ATF6: variants seen among roughly 807,000 people sequenced by gnomAD.
ATF6 encodes the protein activating transcription factor 6, also known as cyclic AMP-dependent transcription factor ATF-6 alpha.
A neutral mutation model predicts 83.6 loss-of-function variants in ATF6; 53 were observed. The ratio of observed to expected loss-of-function variants is 0.63; its 90% CI spans 0.51 to 0.80. ATF6 has a LOEUF of 0.80. Among genes scored for constraint, ATF6 ranks in the 30% least tolerant of loss-of-function variants. The pLI is 0.00. For missense variants in ATF6, 744 were observed against 797.9 expected, an observed-to-expected ratio of 0.93 and a Z score of 0.81; for synonymous variants, 288 against 285.8, an observed-to-expected ratio of 1.01 and a Z score of -0.08.
intron 9 of ATF6, 92 bp downstream of exon 9, chr1:161,821,253 AT>A (rs1685754035): frequency 1.1e-6 from 1 of 893,312 alleles, no homozygotes; most frequent in African/African-American, 1.7e-5. Flanking sequence ...AGAAAAAATG[AT>A]TTGTTTTTCA....
intron 14 of ATF6, among the ~76,000 whole-genome samples, chr1:161,890,144 G>A (rs984895504): frequency 1.3e-5 from 2 of 152,136 alleles, no homozygotes. Context: ...TAACCACAAT[G>A]CAGTTGTCAA....
intron 15 of ATF6, among the ~76,000 whole-genome samples, chr1:161,920,290 C>CTTTTTTTTT (rs1571237665): frequency 2.8e-4 from 7 of 25,148 alleles, no homozygotes; most frequent in African/African-American, 5.4e-4. Context: ...CTCTCTCTCT[C>CTTTTTTTTT]TCTCTTTTTT....
chr1:161,854,572 A>G (rs1307326956), intron 12 of ATF6, among the ~76,000 whole-genome samples: 1 of 152,198 alleles, frequency 6.6e-6, no homozygotes, highest in African/African-American at 2.4e-5. Flanking sequence ...TGAAATAACA[A>G]TGTAAAGATT....
At chr1:161,771,934 CTTACCTT>C (rs1338276396) in intron 1 of ATF6, among the ~76,000 whole-genome samples, 1 of 152,208 alleles carries the variant, frequency 6.6e-6, no homozygotes, top group African/African-American at 2.4e-5. Flanking sequence ...TATCACTGAT[CTTACCTT>C]TTACCCAGTC....
At position 161,784,028 on chromosome 1, in the gene ATF6, G is replaced by C. The variant is rs1684692753; in HGVS notation, c.286G>C (p.Ala96Pro). 1.2e-6 allele frequency: 2 copies of C among 1,613,620 alleles called. No homozygotes were observed. The highest frequency in any genetic ancestry group is 1.7e-6 in the Non-Finnish European group (2 of 1,179,810). Residue 96 changes from alanine to proline, a missense_variant, in exon 4 of 16, where the codon GCC (alanine) becomes CCC (proline). Ala to Pro is a conservative substitution (Grantham distance 27). Transcript: ENST00000367942. ...IKAEPQPLSP[A>P]SSSYSVSSPR... Reference sequence around the variant, plus strand: ...GGCAGAACCTCAGCCACTTTCTCCAGCCTCCTCAAGTTATTCAGTCTCGTC... The same window carrying C: ...GGCAGAACCTCAGCCACTTTCTCCACCCTCCTCAAGTTATTCAGTCTCGTC...
At position 161,802,065 on chromosome 1, in the gene ATF6, G is replaced by T. The variant is rs776524423; in HGVS notation, c.702G>T (p.Leu234Phe). 6.2e-7 allele frequency: 1 copy of T among 1,614,018 alleles called. No individual in the cohort carries two copies. Among genetic ancestry groups the T allele is most frequent in the Non-Finnish European group, 8.5e-7 (1 of 1,179,960 alleles). ...TTTCTAACGCAGGCCAGACGGTTTTGCTGTCTCAGCCTACTGTGGTACAAC... is the reference window on the plus strand; with the variant it reads ...TTTCTAACGCAGGCCAGACGGTTTTTCTGTCTCAGCCTACTGTGGTACAAC... ...QPAPTKGQTV[L>F]LSQPTVVQLQ... The change falls in exon 7 of 16, where the codon TTG (leucine) becomes TTT (phenylalanine). Residue 234 changes from leucine (L) to phenylalanine (F), a missense_variant. Coordinates refer to ENST00000367942, the MANE Select transcript of ATF6 (RefSeq NM_007348.4).
chr1:161,958,595 C>G lies in ATF6; in HGVS notation c.1954C>G (p.Pro652Ala), dbSNP rs757919002. The G allele has an allele frequency of 1.2e-6, 2 of 1,614,002 alleles. No individual in the cohort carries two copies. The highest frequency in any genetic ancestry group is 1.7e-6 in the Non-Finnish European group (2 of 1,179,974). ...RNQTNTFFGS[P>A]PAATEATHVV... ...TCAAACCAACACCTTCTTTGGCTCCCCTCCCGCAGCCACAGAGGCAACCCA... is the reference window on the plus strand; with the variant it reads ...TCAAACCAACACCTTCTTTGGCTCCGCTCCCGCAGCCACAGAGGCAACCCA... Residue 652 changes from proline (P) to alanine (A), a missense_variant, in exon 16 of 16, where the codon CCT becomes GCT. Pro to Ala is a conservative substitution (Grantham distance 27, BLOSUM62 -1). Transcript: ENST00000367942.
chr1:161,845,321 A>G (rs1335774923), intron 9 of ATF6, among the ~76,000 whole-genome samples: 2 of 152,128 alleles, frequency 1.3e-5, no homozygotes, highest in Non-Finnish European at 2.9e-5. Context: ...ATCCCTCCAA[A>G]TAGAATCTTT....
chr1:161,797,921 A>G (rs971100259), intron 6 of ATF6, among the ~76,000 whole-genome samples: 10 of 152,232 alleles, frequency 6.6e-5, no homozygotes, highest in African/African-American at 2.4e-4. Context: ...TTCAAACTGT[A>G]CTACAAGACT....
At chr1:161,898,822 A>G (rs1449357485) in intron 14 of ATF6, among the ~76,000 whole-genome samples, 1 of 152,214 alleles carries the variant, frequency 6.6e-6, no homozygotes, top group Non-Finnish European at 1.5e-5. Flanking sequence ...TGCTGGGATT[A>G]CAGGTGTGAG....
Position 161,795,991 on chromosome 1 carries a change from T to G in ATF6, c.688+3664T>G, listed in dbSNP as rs564575507. ...TTGAGGATAGTTGGGTACTCTGGGA[T>G]GAAAAGGCTTGATACAATATGGGAA... is the stretch of plus-strand genomic sequence containing the variant. On this transcript the variant is annotated intron_variant, in intron 6 of 15. Coordinates refer to ENST00000367942, the MANE Select transcript of ATF6 (RefSeq NM_007348.4). Among the ~76,000 whole-genome samples, 4 of 152,286 alleles carry G rather than the reference T, an allele frequency of 2.6e-5. No individual in the cohort carries two copies. In the South Asian group the frequency reaches 8.3e-4, roughly 32 times the overall value.
intron 6 of ATF6, 143 bp downstream of exon 6, chr1:161,792,470 G>T: frequency 1.3e-6 from 1 of 763,166 alleles, no homozygotes; most frequent in Non-Finnish European, 2.1e-6. Flanking sequence ...ACGTTGCAGA[G>T]ATGACTAATG....
intron 15 of ATF6, among the ~76,000 whole-genome samples, chr1:161,917,628 G>T (rs531560295): frequency 6.6e-6 from 1 of 152,228 alleles, no homozygotes; most frequent in East Asian, 1.9e-4. Flanking sequence ...CACCGTGTTA[G>T]CCAGGATGGT....
chr1:161,897,828 TATTAAA>T (rs1310661765), intron 14 of ATF6, among the ~76,000 whole-genome samples: 1 of 152,232 alleles, frequency 6.6e-6, no homozygotes, highest in East Asian at 1.9e-4. Context: ...TAAAGTAGAT[TATTAAA>T]ATTAAATTTA....
chr1:161,867,602 T>G (rs1206137732), intron 14 of ATF6, among the ~76,000 whole-genome samples: 2 of 152,228 alleles, frequency 1.3e-5, no homozygotes, highest in African/African-American at 4.8e-5. Flanking sequence ...CAGGTTCTCT[T>G]TGAATCAGAT....
chr1:161,819,951 T>G, intron 8 of ATF6, 133 bp downstream of exon 8: 1 of 833,566 alleles, frequency 1.2e-6, no homozygotes, highest in Non-Finnish European at 1.7e-6. Flanking sequence ...TAATAAGTCC[T>G]AAAACATTTG....
At chr1:161,870,089 G>A (rs1687089517) in intron 14 of ATF6, among the ~76,000 whole-genome samples, 1 of 151,296 alleles carries the variant, frequency 6.6e-6, no homozygotes, top group African/African-American at 2.4e-5. Context: ...ATGTATTACA[G>A]CATATGTAAA....
chr1:161,890,813 C>T (rs1161575824), intron 14 of ATF6: 1 of 152,642 alleles, frequency 6.6e-6, no homozygotes, highest in Non-Finnish European at 1.5e-5. Flanking sequence ...GCTTCTGGGA[C>T]CCTATGACAT....
At position 161,956,778 on chromosome 1, in the gene ATF6, A is replaced by T. The variant is rs560097935; in HGVS notation, c.1805-1668A>T. On this transcript the variant is annotated intron_variant, in intron 15 of 15. Coordinates refer to ENST00000367942, the MANE Select transcript of ATF6 (RefSeq NM_007348.4). ...TTGGAACAAATGAGTGACCAACAGA[A>T]GTGGAGGAATTATGTATTCTATTGG... Among the ~76,000 whole-genome samples the T allele has an allele frequency of 2.0e-5, 3 of 152,330 alleles. No homozygotes were observed. In the East Asian group the frequency reaches 5.8e-4, roughly 29 times the overall value.
Sources: gnomAD v4.1 joint callset for allele counts (sites outside exome capture counted in the v4.1 genomes callset) on GRCh38, gnomAD v4.1.1 for gene constraint, MANE v1.5 for transcripts, NCBI Gene and HGNC (gene_info 2026-07-23, HGNC 2026-07-21) for gene names.